The following BMX variants were observed in gnomAD, a reference collection of about 807,000 sequenced individuals.
BMX encodes cytoplasmic tyrosine-protein kinase BMX.
BMX carries 31 observed loss-of-function variants against 59.2 expected under a neutral mutation model. The ratio of observed to expected loss-of-function variants is 0.52; its 90% CI spans 0.39 to 0.71. BMX has a LOEUF of 0.71. BMX is among the 30% of genes least tolerant of loss of function. The pLI, the probability that BMX is intolerant of heterozygous loss-of-function variation, is 0.00. For synonymous variants in BMX, 185 were observed against 181.0 expected (o/e 1.02, Z -0.18); for missense variants, 474 against 491.7 (o/e 0.96, Z 0.34).
intron 17 of BMX, among the ~76,000 whole-genome samples, chrX:15,549,380 T>C (rs1251246173): frequency 1.8e-5 from 2 of 111,993 alleles, no homozygotes; most frequent in Non-Finnish European, 3.8e-5. Context: ...TGAAGTGTAA[T>C]CTGATTGTGC....
At chrX:15,536,520 A>T in intron 13 of BMX, 93 bp downstream of exon 13, 3 of 746,211 alleles carry the variant, frequency 4.0e-6, no homozygotes, top group Non-Finnish European at 5.7e-6. Flanking sequence ...AAAAAAAAGG[A>T]GGAAAGACAG....
At chrX:15,544,313 G>A (rs1450959537) in intron 16 of BMX, among the ~76,000 whole-genome samples, 1 of 110,244 alleles carries the variant, frequency 9.1e-6, no homozygotes, top group East Asian at 2.9e-4. Flanking sequence ...ATATTGGCAA[G>A]ATGTCCTTTT....
intron 9 of BMX, among the ~76,000 whole-genome samples, chrX:15,528,364 T>G (rs1206412785): frequency 8.9e-6 from 1 of 112,059 alleles, no homozygotes; most frequent in African/African-American, 3.2e-5. Context: ...AATCGTGTGT[T>G]AAGACTAGGC....
At chrX:15,545,823 G>T (rs1389059696) in intron 16 of BMX, among the ~76,000 whole-genome samples, 1 of 111,633 alleles carries the variant, frequency 9.0e-6, no homozygotes, top group East Asian at 2.8e-4. Context: ...TGTCTGCCTA[G>T]CTACCTATTC....
intron 11 of BMX, among the ~76,000 whole-genome samples, chrX:15,533,262 G>T (rs1333083001): frequency 9.0e-6 from 1 of 111,698 alleles, no homozygotes; most frequent in Admixed American, 9.5e-5. Context: ...CTTGTCATGT[G>T]GCTTTCTTGT....
Position 15,509,425 on chromosome X carries a change from C to A in BMX, c.235C>A (p.Pro79Thr). The A allele has an allele frequency of 8.4e-7, 1 of 1,188,914 alleles. No homozygotes were observed. The highest frequency in any genetic ancestry group is 1.1e-6 in the Non-Finnish European group (1 of 879,302). The change falls in exon 3 of 19, where the codon CCA (proline) becomes ACA (threonine). Residue 79 changes from proline (P) to threonine (T), a missense_variant. Coordinates refer to ENST00000348343, the MANE Select transcript of BMX (RefSeq NM_203281.3). ...EEQTPVERQYPFQIVYKDGLL... is the reference protein window; with the variant it reads ...EEQTPVERQYTFQIVYKDGLL... ...GCAGACGCCTGTAGAGAGACAGTAC[C>A]CATTTCAGGTAAAGGGAAGAACGAC...
chrX:15,535,249 A>G (rs1925276837), intron 12 of BMX, among the ~76,000 whole-genome samples: 1 of 112,173 alleles, frequency 8.9e-6, no homozygotes, highest in Admixed American at 9.5e-5. Context: ...TCTGTTTTCT[A>G]GAATAGTGCC....
At chrX:15,536,608 C>T (rs191620726) in intron 13 of BMX, among the ~76,000 whole-genome samples, 181 bp downstream of exon 13, 1 of 108,380 alleles carries the variant, frequency 9.2e-6, no homozygotes, top group Admixed American at 9.9e-5. Context: ...CAACCTAAAT[C>T]TGTAAGCTTC....
chrX:15,544,707 C>T (rs2147139934), intron 16 of BMX, among the ~76,000 whole-genome samples: 1 of 111,421 alleles, frequency 9.0e-6, no homozygotes, highest in South Asian at 3.8e-4. Context: ...CTCCTACTAG[C>T]TTGAAGGAAG....
At chrX:15,530,955 A>G (rs1460201497) in intron 10 of BMX, among the ~76,000 whole-genome samples, 1 of 112,034 alleles carries the variant, frequency 8.9e-6, no homozygotes, top group Non-Finnish European at 1.9e-5. Flanking sequence ...ATCATTGAGA[A>G]AGACAACTTG....
chrX:15,502,532 G>T (rs1923604620), intron 1 of BMX, among the ~76,000 whole-genome samples: 1 of 111,810 alleles, frequency 8.9e-6, no homozygotes, highest in African/African-American at 3.3e-5. Flanking sequence ...CAAAGTGTCT[G>T]GTTTTTATAC....
chrX:15,518,979 C>T (rs1370843479), intron 6 of BMX, among the ~76,000 whole-genome samples: 1 of 111,814 alleles, frequency 8.9e-6, no homozygotes, highest in Non-Finnish European at 1.9e-5. Context: ...GTGGAGTTGG[C>T]CTATAAGAAA....
chrX:15,511,136 C>T (rs1349632236), intron 3 of BMX, among the ~76,000 whole-genome samples: 5 of 111,894 alleles, frequency 4.5e-5, no homozygotes, highest in African/African-American at 1.6e-4. Context: ...AATACTAAGA[C>T]ACGTGTAATG....
chrX:15,528,476 T>C (rs1423568954), intron 9 of BMX, among the ~76,000 whole-genome samples: 1 of 111,111 alleles, frequency 9.0e-6, no homozygotes, highest in Non-Finnish European at 1.9e-5. Context: ...CGGGGCAACA[T>C]GACAAAACCT....
chrX:15,535,355 A>T (rs1201958538), intron 12 of BMX, among the ~76,000 whole-genome samples: 1 of 111,517 alleles, frequency 9.0e-6, no homozygotes, highest in Non-Finnish European at 1.9e-5. Flanking sequence ...ACTTGATTGC[A>T]TGCATGTAGG....
intron 11 of BMX, among the ~76,000 whole-genome samples, chrX:15,533,428 A>G (rs1049898413): frequency 6.3e-5 from 7 of 111,504 alleles, no homozygotes; most frequent in Non-Finnish European, 1.3e-4. Flanking sequence ...TCCCACTTAC[A>G]AGTAAAAATA....
At chrX:15,501,025 T>TA in intron 1 of BMX, 85 bp downstream of exon 1, 3 of 716,606 alleles carry the variant, frequency 4.2e-6, no homozygotes, top group Non-Finnish European at 5.0e-6. Flanking sequence ...GGCCTGAAGT[T>TA]ACAAACTTTG....
intron 16 of BMX, 118 bp from the exon 17 acceptor site, chrX:15,546,685 G>A (rs1925961563): frequency 3.8e-6 from 2 of 522,732 alleles, no homozygotes; most frequent in Non-Finnish European, 6.3e-6. Flanking sequence ...CACATTGAAA[G>A]GAAACAAAAG....
At chrX:15,539,613 G>A (rs1476675391) in intron 14 of BMX, among the ~76,000 whole-genome samples, 1 of 110,507 alleles carries the variant, frequency 9.0e-6, no homozygotes, top group Non-Finnish European at 1.9e-5. Context: ...AAACTAAGAA[G>A]GAAGAAAATA....
Sources: allele counts gnomAD v4.1 joint callset (sites outside exome capture counted in the v4.1 genomes callset), GRCh38; gene constraint gnomAD v4.1.1; transcripts MANE v1.5; gene names NCBI Gene and HGNC (gene_info 2026-07-23, HGNC 2026-07-21).